The following HTR2C variants were observed in gnomAD, a reference collection of about 807,000 sequenced individuals.
HTR2C encodes 5-hydroxytryptamine (serotonin) receptor 2C, G protein-coupled.
HTR2C carries 5 observed loss-of-function variants against 21.0 expected under a neutral mutation model. The ratio of observed to expected loss-of-function variants is 0.24; its 90% CI spans 0.12 to 0.50. The LOEUF is 0.50. Ranked by LOEUF, HTR2C falls within the 20% of genes least tolerant of loss-of-function variation. The pLI is 0.98. For synonymous variants in HTR2C, 150 were observed against 145.3 expected, an observed-to-expected ratio of 1.03 and a Z score of -0.23; for missense variants, 271 against 371.2, an observed-to-expected ratio of 0.73 and a Z score of 2.22.
At chrX:114,845,943 G>T (rs1556467278) in intron 4 of HTR2C, among the ~76,000 whole-genome samples, 1 of 110,461 alleles carries the variant, frequency 9.1e-6, no homozygotes, top group Non-Finnish European at 1.9e-5. Context: ...AGCCCAGGAG[G>T]TTGAGACTGC....
At chrX:114,585,402 G>A (rs1488325600) in intron 1 of HTR2C, among the ~76,000 whole-genome samples, 1 of 111,019 alleles carries the variant, frequency 9.0e-6, no homozygotes, top group Non-Finnish European at 1.9e-5. Flanking sequence ...AAGTCATTTG[G>A]TTACTGTTCT....
chrX:114,763,919 GA>G (rs1302186243), intron 4 of HTR2C, among the ~76,000 whole-genome samples: 2 of 110,866 alleles, frequency 1.8e-5, no homozygotes, highest in Non-Finnish European at 1.9e-5. Context: ...TTATCCTAGA[GA>G]AAAAAATTTC....
intron 1 of HTR2C, among the ~76,000 whole-genome samples, chrX:114,589,198 C>T (rs1316413495): frequency 9.0e-6 from 1 of 111,647 alleles, no homozygotes; most frequent in Non-Finnish European, 1.9e-5. Flanking sequence ...CATTAATCCT[C>T]GATATGCTGC....
intron 4 of HTR2C, chrX:114,776,111 C>A: frequency 8.1e-6 from 4 of 491,994 alleles, no homozygotes; most frequent in Non-Finnish European, 1.5e-5. Context: ...GTGGATGTCT[C>A]CAGATTTGAC....
intron 5 of HTR2C, among the ~76,000 whole-genome samples, chrX:114,860,475 G>A (rs1002207835): frequency 9.1e-6 from 1 of 110,054 alleles, no homozygotes; most frequent in Non-Finnish European, 1.9e-5. Flanking sequence ...TTTAAAACAG[G>A]CTCTGTCTTT....
intron 4 of HTR2C, among the ~76,000 whole-genome samples, chrX:114,795,221 G>T (rs782680964): frequency 9.0e-6 from 1 of 111,469 alleles, no homozygotes; most frequent in African/African-American, 3.3e-5. Context: ...TTTTGATGGG[G>T]TTGTTTGTTT....
intron 2 of HTR2C, among the ~76,000 whole-genome samples, chrX:114,623,980 G>A (rs1929278090): frequency 1.0e-5 from 1 of 99,256 alleles, no homozygotes; most frequent in Non-Finnish European, 2.0e-5. Context: ...ATGATCTCAG[G>A]TCACTGCAAC....
intron 2 of HTR2C, among the ~76,000 whole-genome samples, chrX:114,617,941 CTCAA>C (rs1929012591): frequency 1.8e-5 from 2 of 111,581 alleles, no homozygotes; most frequent in South Asian, 7.4e-4. Flanking sequence ...AAGAGAGGTA[CTCAA>C]TCAGGAATGC....
chrX:114,688,441 A>G (rs781970672), intron 2 of HTR2C, among the ~76,000 whole-genome samples: 50 of 111,890 alleles, frequency 4.5e-4, no homozygotes, highest in Admixed American at 1.5e-3. Flanking sequence ...ATGAATTTTT[A>G]TTAATGATAA....
In HTR2C at chrX:114,802,694, C is replaced by CTTTCT. The variant is rs1489179612; in HGVS notation, c.350-45306_350-45302dup. Among the ~76,000 whole-genome samples, 6 of 90,431 alleles carry CTTTCT rather than the reference C, an allele frequency of 6.6e-5. No individual in the cohort carries two copies. The East Asian group carries it at 2.2e-3, about 33-fold the overall frequency. 78.5% of individuals were successfully genotyped at this position (90,431 alleles called of 115,157 possible). A position where few individuals can be genotyped will look rare whatever the true frequency, so the allele number is the denominator to read the frequency against. On this transcript the variant is annotated intron_variant, in intron 4 of 5. Transcript: ENST00000276198. ...CATGCTATGCTTAGATTCTTTCTTT[C>CTTTCT]TTTCTTTCTTTCTTTCTTTCTTTCT...
chrX:114,605,626 T>C (rs138315462), intron 1 of HTR2C, among the ~76,000 whole-genome samples: 5,226 of 111,076 alleles, frequency 0.047, 104 homozygotes, highest in East Asian at 0.1. Flanking sequence ...TCTGGCTATT[T>C]GGAACTACTG....
rs782458984 is a variant in HTR2C at position 114,593,479 on chromosome X, G to A, written c.-147+8820G>A. ...GTGTTAAAGGTTTTACATGCATCACGTCACTTTTAAATTTGAGTCTTATCT... is the reference window on the plus strand; with the variant it reads ...GTGTTAAAGGTTTTACATGCATCACATCACTTTTAAATTTGAGTCTTATCT... On this transcript the variant is annotated intron_variant, in intron 1 of 5. Transcript: ENST00000276198. Among the ~76,000 whole-genome samples, 15 of 111,586 alleles carry A rather than the reference G, an allele frequency of 1.3e-4. No homozygotes were observed. The Middle Eastern group carries it at 0.018, about 136-fold the overall frequency.
chrX:114,728,903 C>T (rs1354615930), intron 3 of HTR2C, among the ~76,000 whole-genome samples: 5 of 112,266 alleles, frequency 4.5e-5, no homozygotes, highest in African/African-American at 9.7e-5. Context: ...TTGAGGCAGA[C>T]TGCATATTCC....
chrX:114,621,284 A>G (rs1468724735), intron 2 of HTR2C, among the ~76,000 whole-genome samples: 1 of 111,538 alleles, frequency 9.0e-6, no homozygotes, highest in Non-Finnish European at 1.9e-5. Context: ...GAGCTAGATG[A>G]TAAATATTTT....
At chrX:114,891,282 G>A (rs1420842107) in intron 5 of HTR2C, among the ~76,000 whole-genome samples, 1 of 110,700 alleles carries the variant, frequency 9.0e-6, no homozygotes, top group African/African-American at 3.3e-5. Flanking sequence ...ACCAAGCATG[G>A]TCTATTTATA....
intron 4 of HTR2C, among the ~76,000 whole-genome samples, chrX:114,752,890 A>C (rs6579501): frequency 0.047 from 5,278 of 111,272 alleles, 319 homozygotes; most frequent in African/African-American, 0.16. Context: ...TCTAAAAAAA[A>C]AACTTGTATT....
At chrX:114,787,840 G>A (rs1435054525) in intron 4 of HTR2C, among the ~76,000 whole-genome samples, 1 of 108,598 alleles carries the variant, frequency 9.2e-6, no homozygotes, top group African/African-American at 3.4e-5. Flanking sequence ...CCAGCTACTC[G>A]GGAGGCTGAG....
intron 3 of HTR2C, 37 bp downstream of exon 3, chrX:114,727,008 T>A (rs782307006): frequency 2.3e-6 from 2 of 866,106 alleles, no homozygotes; most frequent in Non-Finnish European, 3.2e-6. Context: ...AGTAAAAAGA[T>A]AACTTTGCTT....
intron 5 of HTR2C, among the ~76,000 whole-genome samples, chrX:114,873,274 T>C (rs1428687786): frequency 9.0e-6 from 1 of 111,723 alleles, no homozygotes; most frequent in Non-Finnish European, 1.9e-5. Flanking sequence ...ACTTGTCCTA[T>C]CTGTTTTTTG....
Sources: gnomAD v4.1 joint callset for allele counts (sites outside exome capture counted in the v4.1 genomes callset) on GRCh38, gnomAD v4.1.1 for gene constraint, MANE v1.5 for transcripts, NCBI Gene and HGNC (gene_info 2026-07-23, HGNC 2026-07-21) for gene names.